HK1: variants seen among roughly 807,000 people sequenced by gnomAD.
The protein encoded by HK1 is hexokinase 1, also known as hexokinase-1.
HK1 carries 28 observed loss-of-function variants against 91.6 expected under a neutral mutation model. That is an observed-to-expected ratio of 0.31 (90% CI 0.23 to 0.42). The LOEUF is 0.42. HK1 is among the 10% of genes least tolerant of loss of function. The pLI is 1.00. For synonymous variants in HK1, 430 were observed against 468.1 expected (o/e 0.92, Z 1.05); for missense variants, 770 against 1,219.8 (o/e 0.63, Z 5.49).
intron 1 of HK1, among the ~76,000 whole-genome samples, chr10:69,335,157 C>T (rs1288435852): frequency 1.3e-5 from 2 of 152,132 alleles, no homozygotes; most frequent in East Asian, 1.9e-4. Flanking sequence ...ACTAGGTTCC[C>T]GGCTGCCACC....
At chr10:69,319,190 G>A in intron 1 of HK1, 180 bp downstream of exon 1, 2 of 745,928 alleles carry the variant, frequency 2.7e-6, no homozygotes. Context: ...CAGTGTCTCT[G>A]TGTGTGTGCG....
At chr10:69,393,832 C>T (rs1051661297) in intron 15 of HK1, among the ~76,000 whole-genome samples, 2 of 152,292 alleles carry the variant, frequency 1.3e-5, no homozygotes, top group African/African-American at 4.8e-5. Context: ...TGCTTGAGCT[C>T]AGGAGGTTGA....
intron 1 of HK1, among the ~76,000 whole-genome samples, chr10:69,278,282 G>C (rs1352878174): frequency 6.6e-6 from 1 of 152,210 alleles, no homozygotes; most frequent in East Asian, 1.9e-4. Context: ...TGGCTGCCTG[G>C]CTGGCTTTCC....
chr10:69,362,253 T>A (rs1177671288), intron 3 of HK1, among the ~76,000 whole-genome samples: 2 of 151,770 alleles, frequency 1.3e-5, no homozygotes, highest in Non-Finnish European at 2.9e-5. Flanking sequence ...TTAAAAAAAT[T>A]TTTTTTTAAA....
intron 1 of HK1, among the ~76,000 whole-genome samples, chr10:69,328,857 T>C (rs76458478): frequency 6.6e-6 from 1 of 152,134 alleles, no homozygotes; most frequent in Non-Finnish European, 1.5e-5. Flanking sequence ...TCTTTTTTTT[T>C]AAATGGATTT....
intron 2 of HK1, chr10:69,288,667 C>G: frequency 7.2e-7 from 1 of 1,382,784 alleles, no homozygotes; most frequent in Non-Finnish European, 1.0e-6. Flanking sequence ...TGGCCTTTCT[C>G]TAGGCGTTCA....
intron 1 of HK1, among the ~76,000 whole-genome samples, chr10:69,274,404 C>T (rs1001189477): frequency 1.3e-5 from 2 of 152,074 alleles, no homozygotes; most frequent in Non-Finnish European, 2.9e-5. Flanking sequence ...TTGAGACCAG[C>T]CTGGCCAACA....
chr10:69,400,956 C>T (rs779934530), intron 17 of HK1, 35 bp from the exon 18 acceptor site: 9 of 1,613,784 alleles, frequency 5.6e-6, no homozygotes, highest in Non-Finnish European at 7.6e-6. Context: ...CTCTCATCTT[C>T]CTCCAACTAC....
chr10:69,293,982 C>T (rs376315067), intron 3 of HK1, among the ~76,000 whole-genome samples: 2 of 151,484 alleles, frequency 1.3e-5, no homozygotes, highest in African/African-American at 4.9e-5. Flanking sequence ...CTGCCTCAGC[C>T]TCCCGAGTAG....
intron 3 of HK1, among the ~76,000 whole-genome samples, chr10:69,293,359 A>C (rs1845383529): frequency 6.6e-6 from 1 of 152,206 alleles, no homozygotes; most frequent in Non-Finnish European, 1.5e-5. Flanking sequence ...GAAGTATTCC[A>C]GCAACCAGAA....
rs77974349 is a variant in HK1, at chr10:69,370,227, A to G, written c.875+603A>G. ...GATGCATCTTGGTGTGGGGCTCACA[A>G]TGAACCCATCTGATGGGGAATGCGG... On this transcript the variant is annotated intron_variant, in intron 7 of 17. Transcript: ENST00000359426. Among the ~76,000 whole-genome samples, 1,242 of 152,274 alleles carry G rather than the reference A, an allele frequency of 8.2e-3. 18 individuals carry two copies. The highest frequency in any genetic ancestry group is 0.028 in the African/African-American group (1,180 of 41,548).
chr10:69,314,108 G>A (rs969800455), upstream of HK1, among the ~76,000 whole-genome samples: 1 of 152,188 alleles, frequency 6.6e-6, no homozygotes, highest in Non-Finnish European at 1.5e-5. Context: ...ACCCCACTGA[G>A]CTCAGGATCT....
intron 1 of HK1, chr10:69,270,181 ACC>A (rs1844082919): frequency 6.6e-6 from 1 of 152,162 alleles, no homozygotes; most frequent in Non-Finnish European, 1.5e-5. Context: ...TCGCTATGTT[ACC>A]CAGGCTGCTC....
upstream of HK1, among the ~76,000 whole-genome samples, chr10:69,313,481 A>G (rs1846476893): frequency 6.6e-6 from 1 of 152,106 alleles, no homozygotes; most frequent in Admixed American, 6.6e-5. Context: ...ATATTTTTTG[A>G]GACGGAATTT....
At chr10:69,319,893 C>G (rs972760708) in intron 1 of HK1, among the ~76,000 whole-genome samples, 2 of 151,308 alleles carry the variant, frequency 1.3e-5, no homozygotes, top group Non-Finnish European at 3.0e-5. Flanking sequence ...GAAAGACGCC[C>G]GTTTTATCAG....
chr10:69,337,216 G>A (rs554243450), intron 1 of HK1, among the ~76,000 whole-genome samples: 2 of 152,274 alleles, frequency 1.3e-5, no homozygotes, highest in African/African-American at 4.8e-5. Context: ...TCCACCATGT[G>A]AGGAAAATGG....
chr10:69,389,993 G>C (rs1839823311), intron 14 of HK1, among the ~76,000 whole-genome samples: 1 of 152,196 alleles, frequency 6.6e-6, no homozygotes, highest in Admixed American at 6.5e-5. Flanking sequence ...AAAGACCCCA[G>C]GGAGTTTCTT....
chr10:69,359,600 G>A (rs1849313016), intron 2 of HK1, among the ~76,000 whole-genome samples: 1 of 152,192 alleles, frequency 6.6e-6, no homozygotes, highest in African/African-American at 2.4e-5. Context: ...GAGAAACATG[G>A]GGTGGGAATT....
At chr10:69,280,728 T>A (rs1844705549) in intron 1 of HK1, among the ~76,000 whole-genome samples, 1 of 152,178 alleles carries the variant, frequency 6.6e-6, no homozygotes, top group Non-Finnish European at 1.5e-5. Context: ...GGTGACTTAA[T>A]CTTGGATTTG....
Sources: allele counts gnomAD v4.1 joint callset (sites outside exome capture counted in the v4.1 genomes callset), GRCh38; gene constraint gnomAD v4.1.1; transcripts MANE v1.5; gene names NCBI Gene and HGNC (gene_info 2026-07-23, HGNC 2026-07-21).